The following JMJD1C variants were observed in gnomAD, a reference collection of about 807,000 sequenced individuals.
JMJD1C encodes jumonji domain-containing protein 1C.
JMJD1C carries 31 observed loss-of-function variants against 245.3 expected under a neutral mutation model. The ratio of observed to expected loss-of-function variants is 0.13; its 90% CI spans 0.09 to 0.17. JMJD1C has a LOEUF of 0.17. JMJD1C is among the 10% of genes least tolerant of loss of function. The probability of loss-of-function intolerance (pLI) is 1.00; values close to 1 mark genes in which losing one functional copy is unlikely to be tolerated. For synonymous variants in JMJD1C, 1,057 were observed against 1,017.4 expected (o/e 1.04, Z -0.74); for missense variants, 2,691 against 3,000.2 (o/e 0.90, Z 2.41).
At chr10:63,311,161 T>C (rs1007817333) in intron 2 of JMJD1C, among the ~76,000 whole-genome samples, 48 of 150,540 alleles carry the variant, frequency 3.2e-4, no homozygotes, top group Non-Finnish European at 1.6e-4. Flanking sequence ...ACCTGAGGTC[T>C]GTAGTTCGAG....
At chr10:63,293,692 C>T (rs1589406588) in intron 2 of JMJD1C, among the ~76,000 whole-genome samples, 1 of 152,176 alleles carries the variant, frequency 6.6e-6, no homozygotes, top group African/African-American at 2.4e-5. Flanking sequence ...CCACCCTCCT[C>T]AACACAGAGG....
At position 63,193,030 on chromosome 10, in the gene JMJD1C, C is replaced by A; in HGVS notation, c.5984G>T (p.Gly1995Val). ...TGGAGGAGTTAACTTGTTATCTGTG[C>A]CTACATCACTCTCTGGGCTGCTGCC... The part of the protein sequence containing the change: ...NGGSSPESDV[G>V]TDNKLTPPES... Residue 1995 changes from glycine (G) to valine (V), a missense_variant, in exon 16 of 26, where the codon GGC becomes GTC. By Grantham distance (109) the Gly-to-Val change is moderately radical (BLOSUM62 -3). Around this residue, in one of 9 missense-constraint regions of JMJD1C, gnomAD observed 275 missense variants for 285.5 expected, o/e 0.96. Transcript: ENST00000399262. 1 of 1,614,074 alleles carries A rather than the reference C, an allele frequency of 6.2e-7. No individual in the cohort carries two copies. The highest frequency in any genetic ancestry group is 8.5e-7 in the Non-Finnish European group (1 of 1,179,984).
At chr10:63,320,491 A>G (rs1940720817) in intron 2 of JMJD1C, among the ~76,000 whole-genome samples, 1 of 152,144 alleles carries the variant, frequency 6.6e-6, no homozygotes, top group Non-Finnish European at 1.5e-5. Flanking sequence ...AGCCCCATTG[A>G]GCTCAAGACA....
At chr10:63,427,233 G>GT (rs1227591911) in intron 1 of JMJD1C, 2 of 169,484 alleles carry the variant, frequency 1.2e-5, no homozygotes, top group African/African-American at 2.4e-5. Context: ...CGGTCCCCGC[G>GT]TGTCTCCCAG....
chr10:63,369,383 AC>A (rs374529169), intron 2 of JMJD1C, among the ~76,000 whole-genome samples: 2 of 150,280 alleles, frequency 1.3e-5, no homozygotes, highest in Admixed American at 6.6e-5. Flanking sequence ...CTCAAGTGAT[AC>A]CCCCCACCTC....
At chr10:63,319,255 T>TA (rs59018554) in intron 2 of JMJD1C, among the ~76,000 whole-genome samples, 20,742 of 85,652 alleles carry the variant, frequency 0.24, 2,901 homozygotes, top group South Asian at 0.47. Context: ...AGACTCCATC[T>TA]AAAAAAAAAA....
chr10:63,232,861 T>C (rs541729629), intron 3 of JMJD1C, among the ~76,000 whole-genome samples: 1 of 152,316 alleles, frequency 6.6e-6, no homozygotes, highest in Non-Finnish European at 1.5e-5. Flanking sequence ...TCATTTTCAT[T>C]ATTTGGTATA....
chr10:63,382,563 A>G (rs970357696), intron 1 of JMJD1C, among the ~76,000 whole-genome samples: 3 of 152,244 alleles, frequency 2.0e-5, no homozygotes, highest in Non-Finnish European at 4.4e-5. Context: ...AAAAAGGTCT[A>G]TATGAAAAAC....
chr10:63,357,822 GACAGACACAC>G (rs903410886), intron 2 of JMJD1C, among the ~76,000 whole-genome samples: 39 of 70,802 alleles, frequency 5.5e-4, no homozygotes, highest in South Asian at 1.7e-3. Flanking sequence ...GACACAGACA[GACAGACACAC>G]ACACACACAC....
intron 1 of JMJD1C, among the ~76,000 whole-genome samples, chr10:63,402,603 C>T (rs1156705486): frequency 6.6e-6 from 1 of 152,134 alleles, no homozygotes; most frequent in East Asian, 1.9e-4. Context: ...AATTCCCTAT[C>T]ATGTTGCACT....
chr10:63,387,561 A>C (rs940506091), intron 1 of JMJD1C, among the ~76,000 whole-genome samples: 5 of 78,462 alleles, frequency 6.4e-5, no homozygotes, highest in African/African-American at 1.4e-4. Context: ...GATCAAATAG[A>C]AGAAAAAAAT....
chr10:63,516,744 GATGT>G (rs1955027946), intron 1 of JMJD1C, among the ~76,000 whole-genome samples: 1 of 152,180 alleles, frequency 6.6e-6, no homozygotes, highest in Non-Finnish European at 1.5e-5. Flanking sequence ...AGCCATCACA[GATGT>G]ATTTTACTTT....
At chr10:63,193,181 A>C in intron 15 of JMJD1C, 30 bp from the exon 16 acceptor site, 7 of 1,573,448 alleles carry the variant, frequency 4.4e-6, no homozygotes, top group Middle Eastern at 1.7e-4. Context: ...ACATTTTTAA[A>C]CACTTTCTTC....
intron 1 of JMJD1C, among the ~76,000 whole-genome samples, chr10:63,477,351 T>C (rs957456832): frequency 6.6e-6 from 1 of 152,080 alleles, no homozygotes; most frequent in Non-Finnish European, 1.5e-5. Context: ...TAAGTCTTAC[T>C]ATATAGCTGC....
chr10:63,278,611 C>T (rs796504982), intron 2 of JMJD1C, among the ~76,000 whole-genome samples: 5 of 151,812 alleles, frequency 3.3e-5, no homozygotes, highest in African/African-American at 1.2e-4. Flanking sequence ...GATCCCAGCA[C>T]CTTTAGGAGG....
chr10:63,458,633 A>C (rs12265375), intron 1 of JMJD1C, among the ~76,000 whole-genome samples: 21,142 of 152,204 alleles, frequency 0.14, 3,416 homozygotes, highest in African/African-American at 0.39. Flanking sequence ...ATTAGTATTC[A>C]AATAACAATC....
At position 63,281,458 on chromosome 10, in the gene JMJD1C, C is replaced by CT. The variant is rs71025144; in HGVS notation, c.334-16695dup. On this transcript the variant is annotated intron_variant, in intron 2 of 25. Coordinates refer to ENST00000399262, the MANE Select transcript of JMJD1C (RefSeq NM_032776.3). ...ACAGGCGTGAGCCACTGCGCCTGGCCTTTTTTTTTTTTTTTTTTTTTTTTT... is the reference window on the plus strand; with the variant it reads ...ACAGGCGTGAGCCACTGCGCCTGGCCTTTTTTTTTTTTTTTTTTTTTTTTTT... Among the ~76,000 whole-genome samples, 318 of 65,380 alleles carry CT rather than the reference C, an allele frequency of 4.9e-3. 52 individuals are homozygous for CT. The highest frequency in any genetic ancestry group is 7.5e-3 in the East Asian group (15 of 1,998). The allele number at this position is 65,380 out of a possible 152,430, so 42.9% of individuals were successfully genotyped here.
At chr10:63,274,822 A>G (rs1856633117) in intron 2 of JMJD1C, among the ~76,000 whole-genome samples, 1 of 152,172 alleles carries the variant, frequency 6.6e-6, no homozygotes, top group African/African-American at 2.4e-5. Context: ...AATAGTGAGG[A>G]AAAGACAACC....
intron 1 of JMJD1C, among the ~76,000 whole-genome samples, chr10:63,411,464 A>C (rs1449727788): frequency 6.6e-6 from 1 of 151,802 alleles, no homozygotes; most frequent in Non-Finnish European, 1.5e-5. Context: ...ATGTCCGGCT[A>C]ATTTTTGTAC....
Sources: gnomAD v4.1 joint callset for allele counts (sites outside exome capture counted in the v4.1 genomes callset) on GRCh38, gnomAD v4.1.1 for gene constraint, gnomAD v4.1.1 regional missense constraint, MANE v1.5 for transcripts, NCBI Gene and HGNC (gene_info 2026-07-23, HGNC 2026-07-21) for gene names.